The following ALPK3 variants were observed in gnomAD, a reference collection of about 807,000 sequenced individuals.
The protein encoded by ALPK3 is alpha-protein kinase 3.
ALPK3 carries 102 observed loss-of-function variants against 140.0 expected under a neutral mutation model. The observed-to-expected ratio is 0.73, with a 90% CI of 0.62 to 0.86. ALPK3 has a LOEUF of 0.86. Among genes scored for constraint, ALPK3 ranks in the 40% least tolerant of loss-of-function variants. The probability of loss-of-function intolerance (pLI) is 0.00; values close to 1 mark genes in which losing one functional copy is unlikely to be tolerated. For synonymous variants in ALPK3, 938 were observed against 898.5 expected (o/e 1.04, Z -0.79); for missense variants, 2,254 against 2,208.2 (o/e 1.02, Z -0.42).
chr15:84,832,232 G>A (rs1208090711), intron 3 of ALPK3, among the ~76,000 whole-genome samples: 3 of 152,138 alleles, frequency 2.0e-5, no homozygotes, highest in African/African-American at 4.8e-5. Flanking sequence ...TTCTGGTGTC[G>A]AAAGGATAGT....
intron 12 of ALPK3, among the ~76,000 whole-genome samples, chr15:84,866,861 G>C (rs548633119): frequency 6.6e-6 from 1 of 152,160 alleles, no homozygotes; most frequent in African/African-American, 2.4e-5. Context: ...GCTGGTCCAG[G>C]TTGTGACCTG....
intron 5 of ALPK3, among the ~76,000 whole-genome samples, chr15:84,842,321 G>A (rs1272425450): frequency 1.3e-5 from 2 of 152,224 alleles, no homozygotes; most frequent in Non-Finnish European, 2.9e-5. Context: ...GGCGTGAGCC[G>A]CCGTGCCCAG....
At position 84,827,359 on chromosome 15, in the gene ALPK3, G is replaced by T; in HGVS notation, c.183-125G>T. 2 of 1,373,074 alleles carry T rather than the reference G, an allele frequency of 1.5e-6. 1 individual carries two copies. Among genetic ancestry groups the T allele is most frequent in the South Asian group, 2.6e-5 (2 of 76,316 alleles). 85.1% of individuals were successfully genotyped at this position (1,373,074 alleles called of 1,614,324 possible). A position where few individuals can be genotyped will look rare whatever the true frequency, so the allele number is the denominator to read the frequency against. On this transcript the variant is annotated intron_variant, in intron 2 of 13. Transcript: ENST00000258888. ...GCTGCCTTGAAGAAAGACTTGCCGG[G>T]GTGCTGCAGCTCTGGCCACAGGAAG...
intron 3 of ALPK3, among the ~76,000 whole-genome samples, chr15:84,828,448 T>C (rs1963512679): frequency 6.6e-6 from 1 of 152,006 alleles, no homozygotes. Flanking sequence ...GACCCACAAA[T>C]GGGTACCCAC....
At chr15:84,861,799 ACCG>A (rs1385342622) in intron 9 of ALPK3, among the ~76,000 whole-genome samples, 14 of 136,130 alleles carry the variant, frequency 1.0e-4, no homozygotes, top group African/African-American at 2.8e-4. Context: ...GCCCTACCCT[ACCG>A]TTTTCCATAG....
At chr15:84,836,862 A>G (rs1378540266) in intron 3 of ALPK3, among the ~76,000 whole-genome samples, 1 of 151,998 alleles carries the variant, frequency 6.6e-6, no homozygotes, top group Non-Finnish European at 1.5e-5. Flanking sequence ...CTGGGGCCTG[A>G]GCTTTGGGGC....
intron 5 of ALPK3, among the ~76,000 whole-genome samples, chr15:84,842,216 T>C (rs989473855): frequency 3.3e-5 from 5 of 152,238 alleles, no homozygotes; most frequent in African/African-American, 1.2e-4. Flanking sequence ...GTATTTTTAG[T>C]AGAGACAGGG....
intron 1 of ALPK3, among the ~76,000 whole-genome samples, chr15:84,819,399 A>G (rs1963398637): frequency 6.6e-6 from 1 of 152,234 alleles, no homozygotes; most frequent in East Asian, 1.9e-4. Context: ...CTGGCTAGCC[A>G]CAGACCCCTA....
chr15:84,871,284 T>A lies in ALPK3; in HGVS notation c.*2828T>A, dbSNP rs1270767909. The A allele has an allele frequency of 6.6e-6, 1 of 152,242 alleles. No individual in the cohort carries two copies. Among genetic ancestry groups the A allele is most frequent in the Non-Finnish European group, 1.5e-5 (1 of 68,030 alleles). The allele number at this position is 152,242 out of a possible 1,614,324, so 9.4% of individuals were successfully genotyped here. On this transcript the variant is annotated 3_prime_UTR_variant, in exon 14 of 14. Transcript: ENST00000258888. The stretch of plus-strand genomic sequence containing the variant: ...TACCTGTGTGACAGGCATTTACTAT[T>A]GGACTGGCAGTCCCAGGACAAACTC...
chr15:84,868,597 T>C lies in ALPK3; in HGVS notation c.*141T>C, dbSNP rs1285505659. 1 of 806,120 alleles carries C rather than the reference T, an allele frequency of 1.2e-6. No homozygotes were observed. The highest frequency in any genetic ancestry group is 1.9e-6 in the Non-Finnish European group (1 of 526,074). The allele number at this position is 806,120 out of a possible 1,614,324, so 49.9% of individuals were successfully genotyped here. A position where few individuals can be genotyped will look rare whatever the true frequency, so the allele number is the denominator to read the frequency against. On this transcript the variant is annotated 3_prime_UTR_variant, in exon 14 of 14. Coordinates refer to ENST00000258888, the MANE Select transcript of ALPK3 (RefSeq NM_020778.5). The stretch of plus-strand genomic sequence containing the variant: ...CACTTGGGGACCTCTCTGAGCAGGC[T>C]CTCGTGAATCAGCTCGTCATCAGAT...
At position 84,858,193 on chromosome 15, in the gene ALPK3, C is replaced by T. The variant is rs772625009; in HGVS notation, c.3455C>T (p.Pro1152Leu). Residue 1152 changes from proline (P) to leucine (L), a missense_variant, in exon 6 of 14, where the codon CCG becomes CTG. Coordinates refer to ENST00000258888, the MANE Select transcript of ALPK3 (RefSeq NM_020778.5). ...CCAGGGGAGGCTCTGACAGGTCTCC[C>T]GGCAGCTACACCTGAGGAACTGGCT... is the stretch of plus-strand genomic sequence containing the variant. Reference protein sequence around the residue: ...KFPGEALTGLPAATPEELALG... With the variant: ...KFPGEALTGLLAATPEELALG... 51 of 1,612,264 alleles carry T rather than the reference C, an allele frequency of 3.2e-5. No individual in the cohort carries two copies. The highest frequency in any genetic ancestry group is 2.1e-4 in the South Asian group (19 of 90,834).
intron 7 of ALPK3, 22 bp from the exon 8 acceptor site, chr15:84,859,754 G>C (rs368219019): frequency 2.5e-6 from 4 of 1,604,084 alleles, no homozygotes. Context: ...TGGCCCTCAC[G>C]AGTAGGGTCT....
intron 5 of ALPK3, among the ~76,000 whole-genome samples, chr15:84,853,306 C>CA (rs1430574438): frequency 6.6e-6 from 1 of 152,164 alleles, no homozygotes; most frequent in African/African-American, 2.4e-5. Context: ...GTTGGAAGAG[C>CA]ATTTTTATTA....
At chr15:84,855,777 C>G (rs1963854072) in intron 5 of ALPK3, among the ~76,000 whole-genome samples, 2 of 152,342 alleles carry the variant, frequency 1.3e-5, no homozygotes, top group African/African-American at 4.8e-5. Flanking sequence ...AGGGGCCTAG[C>G]ATAGTGCTTT....
chr15:84,837,903 T>A (rs1323220856), intron 3 of ALPK3, among the ~76,000 whole-genome samples: 3 of 152,242 alleles, frequency 2.0e-5, no homozygotes, highest in Non-Finnish European at 2.9e-5. Flanking sequence ...GATACAATGG[T>A]AGACTGTCTC....
At chr15:84,833,025 A>G (rs1326089605) in intron 3 of ALPK3, among the ~76,000 whole-genome samples, 1 of 152,216 alleles carries the variant, frequency 6.6e-6, no homozygotes, top group African/African-American at 2.4e-5. Context: ...CCCTGTTTCA[A>G]GCCCAATCCA....
chr15:84,840,596 C>G lies in ALPK3; in HGVS notation c.1317C>G (p.Val439=). The G allele has an allele frequency of 6.4e-7, 1 of 1,565,006 alleles. No homozygotes were observed. The highest frequency in any genetic ancestry group is 8.6e-7 in the Non-Finnish European group (1 of 1,158,578). Residue 439 remains valine, a synonymous_variant, in exon 5 of 14, where the codon GTC becomes GTG. Transcript: ENST00000258888. ...AAGAGGGACCCCAGACCCTGAGTGT[C>G]CGGGCGCCTGGGGAGAGTCCCAAGG... ...LGEEGPQTLS[V]RAPGESPKGK...
At position 84,856,692 on chromosome 15, in the gene ALPK3, C is replaced by T; in HGVS notation, c.1954C>T (p.Gln652Ter). 1.2e-6 allele frequency: 2 copies of T among 1,614,002 alleles called. No individual in the cohort carries two copies. The highest frequency in any genetic ancestry group is 1.7e-6 in the Non-Finnish European group (2 of 1,180,018). ...DAGTQESKRPQSDRSAQKGMM... is the reference protein window; with the variant it reads ...DAGTQESKRP ...TGGGACACAAGAAAGCAAGAGGCCACAGTCAGACAGGAGTGCACAGAAGGG... is the reference window on the plus strand; with the variant it reads ...TGGGACACAAGAAAGCAAGAGGCCATAGTCAGACAGGAGTGCACAGAAGGG... Residue 652 changes from glutamine to a stop codon, truncating the protein, a stop_gained, in exon 6 of 14, where the codon CAG becomes TAG. Transcript: ENST00000258888. LOFTEE classifies it high-confidence loss of function.
At position 84,868,151 on chromosome 15, in the gene ALPK3, G is replaced by A. The variant is rs1197688402; in HGVS notation, c.4813G>A (p.Asp1605Asn). ...GGAAAGCTGCTTCCCTGCCCTGCTG[G>A]ACCGGTTCGCCTCCTCCCACCAGTG... ...LKESCFPALL[D>N]RFASSHQCNA... The change falls in exon 14 of 14, where the codon GAC becomes AAC. Residue 1605 changes from aspartate (D) to asparagine (N), a missense_variant. Coordinates refer to ENST00000258888, the MANE Select transcript of ALPK3 (RefSeq NM_020778.5). The A allele has an allele frequency of 6.2e-7, 1 of 1,613,842 alleles. No homozygotes were observed. The highest frequency in any genetic ancestry group is 8.5e-7 in the Non-Finnish European group (1 of 1,179,824).
Sources: allele counts gnomAD v4.1 joint callset (sites outside exome capture counted in the v4.1 genomes callset), GRCh38; gene constraint gnomAD v4.1.1; transcripts MANE v1.5; gene names NCBI Gene and HGNC (gene_info 2026-07-23, HGNC 2026-07-21).